Variants in FMN1 observed in about 807,000 individuals in gnomAD.
The protein encoded by FMN1 is formin-1.
Under a neutral mutation model 132.4 loss-of-function variants are expected in FMN1, and 110 were observed. The observed-to-expected ratio is 0.83, with a 90% CI of 0.71 to 0.97. FMN1 has a LOEUF of 0.97. FMN1 is among the 50% of genes least tolerant of loss of function. FMN1 has a pLI of 0.00. For synonymous variants in FMN1, 722 were observed against 651.7 expected, an observed-to-expected ratio of 1.11 and a Z score of -1.64; for missense variants, 1,792 against 1,705.3, an observed-to-expected ratio of 1.05 and a Z score of -0.90.
At chr15:32,935,777 G>A (rs527363948) in intron 9 of FMN1, among the ~76,000 whole-genome samples, 42 of 152,022 alleles carry the variant, frequency 2.8e-4, no homozygotes, top group African/African-American at 7.0e-4. Context: ...ACAGGCGTGC[G>A]CCACCCCACA....
chr15:32,820,166 A>G (rs964533473), intron 17 of FMN1, among the ~76,000 whole-genome samples: 1 of 152,204 alleles, frequency 6.6e-6, no homozygotes, highest in Non-Finnish European at 1.5e-5. Context: ...TAAAAAGTCA[A>G]CTGAGTAACA....
intron 12 of FMN1, chr15:32,908,189 T>A (rs2060472579): frequency 3.9e-6 from 1 of 257,072 alleles, no homozygotes; most frequent in Non-Finnish European, 7.5e-6. Context: ...TCTTCCTTCC[T>A]CAGTTACCCT....
At chr15:33,120,149 A>G (rs1027420122) in intron 4 of FMN1, among the ~76,000 whole-genome samples, 5 of 152,376 alleles carry the variant, frequency 3.3e-5, no homozygotes, top group Middle Eastern at 6.8e-3. Flanking sequence ...CAAGTGACCA[A>G]TGGAGAGCAG....
chr15:32,928,670 G>A (rs1410390905), intron 9 of FMN1, among the ~76,000 whole-genome samples: 1 of 152,126 alleles, frequency 6.6e-6, no homozygotes, highest in Admixed American at 6.5e-5. Context: ...ATTCTTAAGT[G>A]TCCAGGATGG....
At chr15:32,804,921 T>C (rs527781978) in intron 17 of FMN1, among the ~76,000 whole-genome samples, 2 of 152,350 alleles carry the variant, frequency 1.3e-5, no homozygotes, top group Admixed American at 6.5e-5. Context: ...TGATGGACAT[T>C]TGGCTTGGTT....
rs1482549014 is a variant in FMN1 at position 32,968,794 on chromosome 15, T to C, written c.2907A>G (p.Gln969=). ...GCTCGATGGCTGGTTTTCGAGGACA[T>C]TGACTGGAAGAAGAGCCAAGTCCAA... ...LFFGLGSSSS[Q]CPRKPAIEPS... The change falls in exon 8 of 21, where the codon CAA becomes CAG. Residue 969 remains glutamine, a synonymous_variant. Transcript: ENST00000616417. The C allele has an allele frequency of 2.5e-6, 4 of 1,612,620 alleles. No homozygotes were observed. The highest frequency in any genetic ancestry group is 1.7e-5 in the Admixed American group (1 of 59,858).
intron 7 of FMN1, among the ~76,000 whole-genome samples, chr15:32,996,664 A>G (rs2033788703): frequency 6.6e-6 from 1 of 152,226 alleles, no homozygotes; most frequent in South Asian, 2.1e-4. Flanking sequence ...TTATTCCTCC[A>G]GGACACAGAG....
intron 6 of FMN1, among the ~76,000 whole-genome samples, chr15:33,014,596 G>A (rs772112203): frequency 6.6e-6 from 1 of 152,184 alleles, no homozygotes; most frequent in Admixed American, 6.5e-5. Flanking sequence ...ATGAAAGACA[G>A]AGAAAGGAGT....
chr15:33,098,870 G>T (rs1336130947), intron 4 of FMN1, among the ~76,000 whole-genome samples: 2 of 152,226 alleles, frequency 1.3e-5, no homozygotes, highest in African/African-American at 4.8e-5. Context: ...AGGTTGGTAA[G>T]GGCTTTCTAC....
intron 17 of FMN1, among the ~76,000 whole-genome samples, chr15:32,821,807 T>C (rs2058225681): frequency 6.6e-6 from 1 of 152,138 alleles, no homozygotes; most frequent in Non-Finnish European, 1.5e-5. Context: ...TACAGCTTAT[T>C]ATATCTCAAT....
chr15:33,000,950 C>T (rs1226444107), intron 7 of FMN1, among the ~76,000 whole-genome samples: 1 of 152,158 alleles, frequency 6.6e-6, no homozygotes, highest in Non-Finnish European at 1.5e-5. Context: ...CACACAGGCA[C>T]AAGTACAGCA....
chr15:33,023,187 C>T (rs900537622), intron 6 of FMN1, among the ~76,000 whole-genome samples: 2 of 150,168 alleles, frequency 1.3e-5, no homozygotes, highest in Non-Finnish European at 2.9e-5. Flanking sequence ...ATTATAAGAG[C>T]GACTTAGTCT....
At chr15:33,162,602 A>G (rs1190287653) in intron 3 of FMN1, among the ~76,000 whole-genome samples, 1 of 152,242 alleles carries the variant, frequency 6.6e-6, no homozygotes, top group Non-Finnish European at 1.5e-5. Flanking sequence ...AAGGATTTTA[A>G]TCAGGTTGGT....
intron 6 of FMN1, among the ~76,000 whole-genome samples, chr15:33,058,718 G>A (rs1304267200): frequency 6.6e-6 from 1 of 152,120 alleles, no homozygotes; most frequent in Non-Finnish European, 1.5e-5. Context: ...TTATTGTTCA[G>A]GTCCACTCAC....
chr15:33,194,451 G>A (rs535150110), intron 1 of FMN1, 127 bp downstream of exon 1: 2 of 152,310 alleles, frequency 1.3e-5, no homozygotes, highest in South Asian at 4.2e-4. Context: ...ATAAGCTGGC[G>A]GGGTAAATAG....
chr15:32,908,619 A>G, intron 11 of FMN1, 41 bp from the exon 12 acceptor site: 1 of 1,264,764 alleles, frequency 7.9e-7, no homozygotes, highest in African/African-American at 1.5e-5. Flanking sequence ...AAAAAAAAAA[A>G]AAAAGGGAAG....
rs1964584517 is a variant in FMN1, at chr15:33,154,412, C to G, written c.503G>C (p.Ser168Thr). ...KPRRSSGRRE[S>T]FGALPQKRTK... is the part of the protein sequence containing the mutation. ...CCTCTTCTGTGGAAGGGCCCCAAAGCTCTCTCTCCTTCCACTAGACCTCCG... is the reference window on the plus strand; with the variant it reads ...CCTCTTCTGTGGAAGGGCCCCAAAGGTCTCTCTCCTTCCACTAGACCTCCG... The change falls in exon 4 of 21, where the codon AGC (serine) becomes ACC (threonine). Residue 168 changes from serine to threonine, a missense_variant. Coordinates refer to ENST00000616417, the MANE Select transcript of FMN1 (RefSeq NM_001277313.2). 1 of 1,536,058 alleles carries G rather than the reference C, an allele frequency of 6.5e-7. No individual in the cohort carries two copies. Among genetic ancestry groups the G allele is most frequent in the Non-Finnish European group, 8.7e-7 (1 of 1,146,936 alleles).
chr15:32,876,062 A>C (rs1276334262), intron 16 of FMN1, among the ~76,000 whole-genome samples: 2 of 152,108 alleles, frequency 1.3e-5, no homozygotes, highest in Non-Finnish European at 2.9e-5. Flanking sequence ...CCTTTAAAAA[A>C]CCAAAAAAAC....
intron 7 of FMN1, among the ~76,000 whole-genome samples, chr15:32,978,262 A>G (rs2032373491): frequency 6.6e-6 from 1 of 152,242 alleles, no homozygotes; most frequent in Non-Finnish European, 1.5e-5. Flanking sequence ...GCAGGAAAGT[A>G]AAACAGATGT....
Sources: allele counts gnomAD v4.1 joint callset (sites outside exome capture counted in the v4.1 genomes callset), GRCh38; gene constraint gnomAD v4.1.1; transcripts MANE v1.5; gene names NCBI Gene and HGNC (gene_info 2026-07-23, HGNC 2026-07-21).